Variants in FAM168A observed in about 807,000 individuals in gnomAD.
FAM168A encodes family with sequence similarity 168 member A.
FAM168A carries 3 observed loss-of-function variants against 28.5 expected under a neutral mutation model. That is an observed-to-expected ratio of 0.11 (90% CI 0.05 to 0.27). The LOEUF is 0.27. Ranked by LOEUF, FAM168A falls within the 10% of genes least tolerant of loss-of-function variation. The pLI, the probability that FAM168A is intolerant of heterozygous loss-of-function variation, is 1.00. For missense variants in FAM168A, 222 were observed against 311.5 expected (o/e 0.71, Z 2.16); for synonymous variants, 122 against 124.2 (o/e 0.98, Z 0.12).
rs944674833 is a variant in FAM168A at position 73,403,747 on chromosome 11, C to T, written c.*3016G>A. The T allele has an allele frequency of 6.6e-6, 1 of 152,210 alleles. No homozygotes were observed. The highest frequency in any genetic ancestry group is 1.5e-5 in the Non-Finnish European group (1 of 68,044). 9.4% of individuals were successfully genotyped at this position (152,210 alleles called of 1,614,324 possible). ...CAGTGACTCCCCAAGCTTGGCTAGG[C>T]TTGTGGATCTCCATCACAGCAAGAG... is the stretch of plus-strand genomic sequence containing the variant. On this transcript the variant is annotated 3_prime_UTR_variant, in exon 8 of 8. Transcript: ENST00000356467.
intron 1 of FAM168A, among the ~76,000 whole-genome samples, chr11:73,555,707 CAAA>C (rs930124701): frequency 8.5e-6 from 1 of 118,024 alleles, no homozygotes; most frequent in Non-Finnish European, 1.8e-5. Flanking sequence ...GATTCCATCT[CAAA>C]AAAAAAAAAA....
chr11:73,514,523 T>C (rs1943273482), intron 1 of FAM168A, among the ~76,000 whole-genome samples: 1 of 152,190 alleles, frequency 6.6e-6, no homozygotes, highest in Non-Finnish European at 1.5e-5. Context: ...TGTACAACAC[T>C]TTATTTGTAT....
At chr11:73,444,629 T>C (rs952157687) in intron 2 of FAM168A, among the ~76,000 whole-genome samples, 1 of 152,380 alleles carries the variant, frequency 6.6e-6, no homozygotes, top group Admixed American at 6.5e-5. Flanking sequence ...TTTTTATTTG[T>C]AATTTATTTC....
intron 1 of FAM168A, among the ~76,000 whole-genome samples, chr11:73,586,291 A>G (rs569571351): frequency 2.6e-5 from 4 of 152,206 alleles, no homozygotes; most frequent in Admixed American, 2.6e-4. Flanking sequence ...AATAATTATG[A>G]CCACCACAGC....
At chr11:73,554,710 G>T (rs1003061980) in intron 1 of FAM168A, among the ~76,000 whole-genome samples, 1 of 152,204 alleles carries the variant, frequency 6.6e-6, no homozygotes, top group African/African-American at 2.4e-5. Flanking sequence ...TACACAAAAA[G>T]ATTATGTTAA....
At chr11:73,589,585 G>C (rs1481579245) in intron 1 of FAM168A, among the ~76,000 whole-genome samples, 1 of 152,066 alleles carries the variant, frequency 6.6e-6, no homozygotes, top group Non-Finnish European at 1.5e-5. Context: ...CAAAGGGCTG[G>C]ACATGACTGG....
At chr11:73,584,244 C>A (rs1476617487) in intron 1 of FAM168A, among the ~76,000 whole-genome samples, 1 of 151,888 alleles carries the variant, frequency 6.6e-6, no homozygotes, top group African/African-American at 2.4e-5. Context: ...ATGATCAGTG[C>A]TCCCTGCAGC....
intron 5 of FAM168A, 38 bp from the exon 6 acceptor site, chr11:73,409,699 G>A: frequency 6.4e-7 from 1 of 1,568,076 alleles, no homozygotes; most frequent in Non-Finnish European, 8.7e-7. Flanking sequence ...GGCATTTGGA[G>A]AGGTAGGTGG....
At chr11:73,558,018 T>C (rs1390835182) in intron 1 of FAM168A, among the ~76,000 whole-genome samples, 1 of 152,090 alleles carries the variant, frequency 6.6e-6, no homozygotes, top group African/African-American at 2.4e-5. Context: ...CATATAAAAC[T>C]TAATTCAAAA....
At chr11:73,445,419 C>CTCTCTCTCTTTTTTTTTT (rs776745757) in intron 2 of FAM168A, among the ~76,000 whole-genome samples, 1 of 50,432 alleles carries the variant, frequency 2.0e-5, no homozygotes, top group African/African-American at 7.1e-5. Context: ...AAAAATGTCT[C>CTCTCTCTCTTTTTTTTTT]TTTTTTTTTT....
chr11:73,555,667 C>A (rs530628985), intron 1 of FAM168A, among the ~76,000 whole-genome samples: 1 of 150,266 alleles, frequency 6.7e-6, no homozygotes, highest in Non-Finnish European at 1.5e-5. Flanking sequence ...AAGATCTCAC[C>A]ACTGCACTCC....
chr11:73,528,422 G>A (rs1205712557), intron 1 of FAM168A, among the ~76,000 whole-genome samples: 13 of 152,132 alleles, frequency 8.5e-5, no homozygotes, highest in Admixed American at 8.5e-4. Context: ...AAAGATAATA[G>A]TATCAATTCG....
In FAM168A at chr11:73,409,482, C is replaced by A; in HGVS notation, c.595+5G>T. 1 of 1,613,498 alleles carries A rather than the reference C, an allele frequency of 6.2e-7. No homozygotes were observed. The highest frequency in any genetic ancestry group is 8.5e-7 in the Non-Finnish European group (1 of 1,179,750). ...GATGGACACTGATGCAGATGCTGCC[C>A]TCACCTGCTGACATTGCCATGGTGG... On this transcript the variant is annotated splice_donor_5th_base_variant and intron_variant, in intron 6 of 7. Transcript: ENST00000356467.
intron 1 of FAM168A, among the ~76,000 whole-genome samples, chr11:73,560,991 G>A (rs978577213): frequency 5.3e-5 from 8 of 151,598 alleles, no homozygotes; most frequent in Admixed American, 4.6e-4. Context: ...GAACCTGGGA[G>A]GCAGAGGTTG....
chr11:73,423,099 C>T (rs764766544), intron 3 of FAM168A, among the ~76,000 whole-genome samples: 41 of 152,332 alleles, frequency 2.7e-4, no homozygotes, highest in Non-Finnish European at 2.8e-4. Context: ...TGGCAATAAT[C>T]ATCACTCCTT....
intron 1 of FAM168A, among the ~76,000 whole-genome samples, chr11:73,551,970 G>A (rs1310986098): frequency 6.6e-6 from 1 of 152,208 alleles, no homozygotes; most frequent in Non-Finnish European, 1.5e-5. Context: ...CTGCCCTGGA[G>A]AGAAAGGAAT....
At chr11:73,457,546 G>T (rs1867556693) in intron 2 of FAM168A, among the ~76,000 whole-genome samples, 1 of 151,478 alleles carries the variant, frequency 6.6e-6, no homozygotes, top group Admixed American at 6.6e-5. Flanking sequence ...ACAACATTGT[G>T]AATGTACCTA....
chr11:73,424,136 A>G (rs760553557), intron 3 of FAM168A, among the ~76,000 whole-genome samples: 7 of 152,182 alleles, frequency 4.6e-5, no homozygotes, highest in Non-Finnish European at 1.0e-4. Context: ...TGGCCTGGAG[A>G]CAGTAGTAAA....
chr11:73,463,886 A>G (rs1867690388), intron 2 of FAM168A, among the ~76,000 whole-genome samples: 1 of 152,234 alleles, frequency 6.6e-6, no homozygotes, highest in Admixed American at 6.5e-5. Flanking sequence ...TTCTCTTTAG[A>G]TGCTCTTCTT....
Sources: allele counts gnomAD v4.1 joint callset (sites outside exome capture counted in the v4.1 genomes callset), GRCh38; gene constraint gnomAD v4.1.1; transcripts MANE v1.5; gene names NCBI Gene and HGNC (gene_info 2026-07-23, HGNC 2026-07-21).